MYO5B: variants seen among roughly 807,000 people sequenced by gnomAD.
MYO5B encodes unconventional myosin-Vb.
Under a neutral mutation model 229.3 loss-of-function variants are expected in MYO5B, and 143 were observed. The observed-to-expected ratio is 0.62, with a 90% CI of 0.54 to 0.72. The LOEUF is 0.72. MYO5B is among the 30% of genes least tolerant of loss of function. The pLI is 0.00. For missense variants in MYO5B, 2,321 were observed against 2,331.0 expected (o/e 1.00, Z 0.09); for synonymous variants, 918 against 885.2 (o/e 1.04, Z -0.66).
chr18:50,124,702 C>G (rs1461882188), intron 1 of MYO5B, among the ~76,000 whole-genome samples: 4 of 151,992 alleles, frequency 2.6e-5, no homozygotes, highest in African/African-American at 7.3e-5. Flanking sequence ...ATCTTTCCCC[C>G]CTGGTGCCCT....
At chr18:49,934,068 G>A (rs1054708757) in intron 16 of MYO5B, among the ~76,000 whole-genome samples, 1 of 152,038 alleles carries the variant, frequency 6.6e-6, no homozygotes, top group Non-Finnish European at 1.5e-5. Context: ...TAGAGGTTGG[G>A]TCTCGCTATA....
chr18:50,121,906 A>T (rs1443982581), intron 1 of MYO5B, among the ~76,000 whole-genome samples: 1 of 152,236 alleles, frequency 6.6e-6, no homozygotes, highest in African/African-American at 2.4e-5. Context: ...CAATCTGTAA[A>T]GTCTTTGCTT....
rs1362169616 is a variant in MYO5B, at chr18:49,906,595, G to T, written c.2238C>A (p.Ile746=). The T allele has an allele frequency of 6.2e-7, 1 of 1,614,110 alleles. No individual in the cohort carries two copies. The highest frequency in any genetic ancestry group is 1.6e-4 in the Middle Eastern group (1 of 6,062). ...AGGCCACCTGGCCTGCTCGAAAGAA[G>T]ATCTTGGTGCGGCCAAACTGGAACT... ...PDKFQFGRTK[I]FFRAGQVAYL... Residue 746 remains isoleucine (I), a synonymous_variant, in exon 19 of 40, where the codon ATC becomes ATA. Coordinates refer to ENST00000285039, the MANE Select transcript of MYO5B (RefSeq NM_001080467.3).
chr18:49,911,942 C>T, intron 18 of MYO5B, 120 bp downstream of exon 18: 3 of 820,602 alleles, frequency 3.7e-6, no homozygotes, highest in South Asian at 2.8e-5. Context: ...GATTAATATC[C>T]CAGAAATAGA....
intron 12 of MYO5B, among the ~76,000 whole-genome samples, chr18:49,962,001 C>T (rs2025564587): frequency 6.6e-6 from 1 of 152,208 alleles, no homozygotes; most frequent in Non-Finnish European, 1.5e-5. Flanking sequence ...GTCCAAACCA[C>T]CATATTATGC....
At chr18:50,077,946 C>T (rs55973431) in intron 1 of MYO5B, among the ~76,000 whole-genome samples, 8,409 of 152,262 alleles carry the variant, frequency 0.055, 282 homozygotes, top group African/African-American at 0.097. Flanking sequence ...ACTGCACATC[C>T]TATATTGCGG....
At position 50,163,336 on chromosome 18, in the gene MYO5B, T is replaced by C. The variant is rs1339435861; in HGVS notation, c.27+31431A>G. Among the ~76,000 whole-genome samples the C allele has an allele frequency of 2.6e-5, 4 of 152,128 alleles. No individual in the cohort carries two copies. In the East Asian group the frequency reaches 5.8e-4, roughly 22 times the overall value. ...GCTCGTTCATGTCAGGGTGGTACCC[T>C]CCACTCTCCCAGGAGAGGGGCAAAC... On this transcript the variant is annotated intron_variant, in intron 1 of 39. Coordinates refer to ENST00000285039, the MANE Select transcript of MYO5B (RefSeq NM_001080467.3).
chr18:49,984,415 C>T (rs1042759029), intron 8 of MYO5B, among the ~76,000 whole-genome samples: 2 of 152,252 alleles, frequency 1.3e-5, no homozygotes, highest in East Asian at 1.9e-4. Context: ...GACGTGGCTA[C>T]ACTTGCTTTG....
At chr18:49,881,566 G>T (rs914697949) in intron 22 of MYO5B, among the ~76,000 whole-genome samples, 1 of 152,148 alleles carries the variant, frequency 6.6e-6, no homozygotes, top group East Asian at 1.9e-4. Flanking sequence ...ACTTTGGGAG[G>T]CTGAGGCAGG....
chr18:50,119,019 G>A (rs1023601515), intron 1 of MYO5B, among the ~76,000 whole-genome samples: 6 of 152,174 alleles, frequency 3.9e-5, no homozygotes, highest in African/African-American at 1.4e-4. Flanking sequence ...CCTATAAGAT[G>A]TAAATGATCA....
chr18:49,856,652 TG>T (rs1348495871), intron 30 of MYO5B, among the ~76,000 whole-genome samples, 160 bp downstream of exon 30: 1 of 152,228 alleles, frequency 6.6e-6, no homozygotes, highest in African/African-American at 2.4e-5. Flanking sequence ...CTGTACAGCC[TG>T]GGCACAGTGA....
chr18:50,074,331 T>C lies in MYO5B; in HGVS notation c.28-18953A>G, dbSNP rs143873136. Among the ~76,000 whole-genome samples the C allele has an allele frequency of 5.7e-3, 874 of 152,298 alleles. 8 individuals are homozygous for C. The highest frequency in any genetic ancestry group is 0.019 in the African/African-American group (807 of 41,568). On this transcript the variant is annotated intron_variant, in intron 1 of 39. Transcript: ENST00000285039. ...GAATTCTGGGAGATACAATTCAAGGTGAGATTTGGGTGAGGACACAGCCAA... is the reference window on the plus strand; with the variant it reads ...GAATTCTGGGAGATACAATTCAAGGCGAGATTTGGGTGAGGACACAGCCAA...
chr18:50,026,501 T>C (rs1303780521), intron 4 of MYO5B, among the ~76,000 whole-genome samples: 4 of 152,250 alleles, frequency 2.6e-5, no homozygotes, highest in Admixed American at 6.5e-5. Context: ...GAAGTTATAA[T>C]TGGTTGCCAA....
chr18:49,915,838 T>C (rs1442818134), intron 17 of MYO5B, among the ~76,000 whole-genome samples: 1 of 152,222 alleles, frequency 6.6e-6, no homozygotes, highest in Non-Finnish European at 1.5e-5. Flanking sequence ...CACGCCAGCA[T>C]GGCTGAATTT....
At chr18:49,876,232 T>C in intron 25 of MYO5B, 1 of 321,420 alleles carries the variant, frequency 3.1e-6, no homozygotes, top group Non-Finnish European at 6.0e-6. Context: ...ATCAACATGG[T>C]TACCAATCAC....
chr18:49,994,794 GGCAGACT>G (rs1291254042), intron 5 of MYO5B, among the ~76,000 whole-genome samples: 6 of 152,316 alleles, frequency 3.9e-5, no homozygotes, highest in Non-Finnish European at 8.8e-5. Context: ...ACAGGATGAT[GGCAGACT>G]GCCAGACTTC....
At chr18:49,864,654 G>A (rs1465868152) in intron 27 of MYO5B, among the ~76,000 whole-genome samples, 3 of 152,230 alleles carry the variant, frequency 2.0e-5, no homozygotes, top group Admixed American at 6.5e-5. Context: ...TGCTAAACAT[G>A]TTTGGCTGTG....
At chr18:49,992,184 C>A in intron 6 of MYO5B, 104 bp downstream of exon 6, 1 of 1,476,646 alleles carries the variant, frequency 6.8e-7, no homozygotes, top group Non-Finnish European at 9.5e-7. Flanking sequence ...CAATTCCAGG[C>A]TCACAAGAGA....
chr18:49,953,575 G>A (rs945511121), intron 13 of MYO5B, among the ~76,000 whole-genome samples: 1 of 152,112 alleles, frequency 6.6e-6, no homozygotes, highest in African/African-American at 2.4e-5. Context: ...ATAATAAAAG[G>A]TTTCTTCAGG....
Sources: gnomAD v4.1 joint callset for allele counts (sites outside exome capture counted in the v4.1 genomes callset) on GRCh38, gnomAD v4.1.1 for gene constraint, MANE v1.5 for transcripts, NCBI Gene and HGNC (gene_info 2026-07-23, HGNC 2026-07-21) for gene names.